ASPHD1: variants seen among roughly 807,000 people sequenced by gnomAD.
ASPHD1 encodes aspartate beta-hydroxylase domain containing 1.
A neutral mutation model predicts 28.3 loss-of-function variants in ASPHD1; 20 were observed. The ratio of observed to expected loss-of-function variants is 0.71; its 90% CI spans 0.50 to 1.03. The LOEUF (loss-of-function observed/expected upper bound fraction) is 1.03, where lower values mean the gene tolerates loss of function less well. Ranked by LOEUF, ASPHD1 falls within the 50% of genes least tolerant of loss-of-function variation. The pLI is 0.00. For synonymous variants in ASPHD1, 240 were observed against 221.2 expected (o/e 1.08, Z -0.75); for missense variants, 479 against 524.1 (o/e 0.91, Z 0.84).
Position 29,901,344 on chromosome 16 carries a change from G to A in ASPHD1, c.373G>A (p.Ala125Thr). ...TGGTGGGCCTGTGGGATGCTCGGAG[G>A]CCGGCGGGCCAAGCCCAGGGGGTCC... is the stretch of plus-strand genomic sequence containing the variant. ...VRGGPVGCSE[A>T]GGPSPGGPGD... Residue 125 changes from alanine to threonine, a missense_variant, in exon 1 of 3, where the codon GCC becomes ACC. Physicochemically the swap from Ala to Thr is moderately conservative, Grantham distance 58. Coordinates refer to ENST00000308748, the MANE Select transcript of ASPHD1 (RefSeq NM_181718.4). This position sits in a 1 kb window ranked among gnomAD's most constrained non-coding sequence, Gnocchi z 5.1. 1 of 1,602,444 alleles carries A rather than the reference G, an allele frequency of 6.2e-7. No homozygotes were observed. Among genetic ancestry groups the A allele is most frequent in the Non-Finnish European group, 8.5e-7 (1 of 1,175,276 alleles).
chr16:29,911,504 G>A (rs2068708778), intron 3 of ASPHD1: 3 of 567,644 alleles, frequency 5.3e-6, no homozygotes, highest in Non-Finnish European at 6.2e-6. Context: ...CTCCTCATCT[G>A]TAAAATGGAG....
At position 29,901,688 on chromosome 16, in the gene ASPHD1, G is replaced by A; in HGVS notation, c.717G>A (p.Arg239=). 2 of 1,584,558 alleles carry A rather than the reference G, an allele frequency of 1.3e-6. No homozygotes were observed. Among genetic ancestry groups the A allele is most frequent in the Non-Finnish European group, 1.7e-6 (2 of 1,169,530 alleles). Residue 239 remains arginine, a synonymous_variant, in exon 1 of 3, where the codon CGG becomes CGA. Transcript: ENST00000308748. This position sits in a 1 kb window ranked among gnomAD's most constrained non-coding sequence, Gnocchi z 5.1. ...WDFSGTTPPP[R]GWSPPLAPGC... is the part of the protein sequence containing the mutation. ...TCTCAGGGACTACCCCTCCGCCTCGGGGCTGGTCCCCACCTCTGGCCCCCG... is the reference window on the plus strand; with the variant it reads ...TCTCAGGGACTACCCCTCCGCCTCGAGGCTGGTCCCCACCTCTGGCCCCCG...
chr16:29,911,261 C>A (rs2068703457), intron 3 of ASPHD1: 6 of 1,004,568 alleles, frequency 6.0e-6, no homozygotes, highest in Admixed American at 4.5e-5. Flanking sequence ...CATTCCCAGT[C>A]CTCTGCTCCT....
In ASPHD1 at chr16:29,901,496, TGGGAGAGGGCCAGGGGTC is replaced by T; in HGVS notation, c.526_543del (p.Gly176_Val181del). The T allele has an allele frequency of 6.2e-7, 1 of 1,601,314 alleles. No homozygotes were observed. Among genetic ancestry groups the T allele is most frequent in the Non-Finnish European group, 8.5e-7 (1 of 1,177,120 alleles). On this transcript the variant is annotated inframe_deletion, in exon 1 of 3. Transcript: ENST00000308748. This position sits in a 1 kb window ranked among gnomAD's most constrained non-coding sequence, Gnocchi z 5.1. ...GGGCAGCTCAGGGTGGCCCAGGCCC[TGGGAGAGGGCCAGGGGTC>T]CTAGGTATTCAGCGCCCAGGCCTGC...
At chr16:29,907,223 G>A, downstream of ASPHD1, 1 of 672,134 alleles carries the variant, frequency 1.5e-6, no homozygotes, top group South Asian at 1.9e-5. Context: ...CAGGTCCTTG[G>A]GCCTGGCCTG....
downstream of ASPHD1, chr16:29,910,970 C>T (rs372998646): frequency 2.7e-5 from 44 of 1,613,038 alleles, no homozygotes; most frequent in African/African-American, 5.5e-4. Context: ...CTCTGGAGCC[C>T]CTCTGACCTT....
chr16:29,919,860 A>C (rs1011100513), downstream of ASPHD1: 1 of 152,228 alleles, frequency 6.6e-6, no homozygotes, highest in Admixed American at 6.5e-5. Flanking sequence ...ACTGCTTTAA[A>C]ATAATCAATG....
chr16:29,918,625 C>G (rs368140520), intron 3 of ASPHD1, among the ~76,000 whole-genome samples: 1 of 151,958 alleles, frequency 6.6e-6, no homozygotes, highest in East Asian at 1.9e-4. Context: ...CACCCACCAC[C>G]ACTCCCAGCT....
At chr16:29,914,004 A>G (rs1434306109) in intron 3 of ASPHD1, 1 of 151,980 alleles carries the variant, frequency 6.6e-6, no homozygotes, top group Admixed American at 6.6e-5. Flanking sequence ...TAATTTTTGT[A>G]TTTTTAGTAG....
At position 29,900,614 on chromosome 16, in the gene ASPHD1, C is replaced by T; in HGVS notation, c.-358C>T. ...GCGAGTAGGAGAGAGGGAGCGAGAG[C>T]CAGGCAGGACCGCAGGGTCGGGGCT... On this transcript the variant is annotated 5_prime_UTR_variant, in exon 1 of 3. Transcript: ENST00000308748. 3.2e-6 allele frequency: 1 copy of T among 317,256 alleles called. No individual in the cohort carries two copies. The highest frequency in any genetic ancestry group is 5.9e-6 in the Non-Finnish European group (1 of 170,546). The allele number at this position is 317,256 out of a possible 1,614,324, so 19.7% of individuals were successfully genotyped here. A position where few individuals can be genotyped will look rare whatever the true frequency, so the allele number is the denominator to read the frequency against.
intron 3 of ASPHD1, among the ~76,000 whole-genome samples, chr16:29,916,918 G>A (rs1470766206): frequency 6.6e-6 from 1 of 152,082 alleles, no homozygotes; most frequent in African/African-American, 2.4e-5. Context: ...GCTTGCTGTC[G>A]GCAGGGGCTT....
Position 29,901,443 on chromosome 16 carries a change from T to C in ASPHD1, c.472T>C (p.Ser158Pro). The C allele has an allele frequency of 1.2e-6, 2 of 1,604,986 alleles. No individual in the cohort carries two copies. Among genetic ancestry groups the C allele is most frequent in the South Asian group, 1.1e-5 (1 of 90,572 alleles). Reference protein sequence around the residue: ...RRLRAYARRYSWAGMGRVRRA... With the variant: ...RRLRAYARRYPWAGMGRVRRA... ...GCTTCGGGCCTACGCAAGGCGCTAC[T>C]CCTGGGCTGGGATGGGTAGAGTGAG... The change falls in exon 1 of 3, where the codon TCC (serine) becomes CCC (proline). Residue 158 changes from serine (S) to proline (P), a missense_variant. Physicochemically the swap from Ser to Pro is moderately conservative, Grantham distance 74 (BLOSUM62 -1). Coordinates refer to ENST00000308748, the MANE Select transcript of ASPHD1 (RefSeq NM_181718.4). The surrounding 1 kb of genome is among the most constrained non-coding windows in gnomAD (Gnocchi z 5.1).
At chr16:29,918,613 G>A (rs2068851058) in intron 3 of ASPHD1, among the ~76,000 whole-genome samples, 1 of 151,316 alleles carries the variant, frequency 6.6e-6, no homozygotes, top group African/African-American at 2.4e-5. Flanking sequence ...TGGGACTACA[G>A]GCACCCACCA....
intron 3 of ASPHD1, among the ~76,000 whole-genome samples, chr16:29,918,149 T>C (rs943692358): frequency 2.6e-5 from 4 of 152,248 alleles, no homozygotes; most frequent in Non-Finnish European, 5.9e-5. Context: ...AAAAGACTTA[T>C]AGGTATTCTG....
intron 3 of ASPHD1, chr16:29,913,252 T>A (rs1386230473): frequency 6.6e-6 from 1 of 151,856 alleles, no homozygotes; most frequent in African/African-American, 2.4e-5. Flanking sequence ...GGTCAGTTTT[T>A]AAAAATAAGA....
At position 29,901,599 on chromosome 16, in the gene ASPHD1, G is replaced by T. The variant is rs1326835666; in HGVS notation, c.628G>T (p.Val210Leu). The T allele has an allele frequency of 1.9e-6, 3 of 1,550,826 alleles. No homozygotes were observed. The highest frequency in any genetic ancestry group is 1.4e-5 in the African/African-American group (1 of 72,740). The change falls in exon 1 of 3, where the codon GTG (valine) becomes TTG (leucine). Residue 210 changes from valine to leucine, a missense_variant. Physicochemically the swap from Val to Leu is conservative, Grantham distance 32 (BLOSUM62 1). Coordinates refer to ENST00000308748, the MANE Select transcript of ASPHD1 (RefSeq NM_181718.4). The surrounding 1 kb of genome is among the most constrained non-coding windows in gnomAD (Gnocchi z 5.1). Reference protein sequence around the residue: ...FVPRDAQRHDVELLESSFPAI... With the variant: ...FVPRDAQRHDLELLESSFPAI... ...GCCGCGGGACGCCCAGCGGCACGAC[G>T]TGGAGCTCCTGGAGAGCAGCTTCCC...
chr16:29,911,932 T>C, intron 3 of ASPHD1: 1 of 1,608,532 alleles, frequency 6.2e-7, no homozygotes, highest in Non-Finnish European at 8.5e-7. Flanking sequence ...CCAGTGAGCC[T>C]CCACCCTGCA....
downstream of ASPHD1, among the ~76,000 whole-genome samples, chr16:29,907,849 C>T (rs962092554): frequency 3.3e-5 from 5 of 150,220 alleles, no homozygotes; most frequent in African/African-American, 4.9e-5. Flanking sequence ...GTTTAGGAAA[C>T]GATATAAGCT....
rs778935959 is a variant in ASPHD1, at chr16:29,901,788, C to G, written c.817C>G (p.Arg273Gly). 1 of 1,560,824 alleles carries G rather than the reference C, an allele frequency of 6.4e-7. No homozygotes were observed. Among genetic ancestry groups the G allele is most frequent in the Admixed American group, 1.9e-5 (1 of 51,342 alleles). The part of the protein sequence containing the change: ...SNCRRCPGAY[R>G]ALRGLRSFMS... ...CTGCCGCCGGTGCCCGGGGGCCTAT[C>G]GGGCACTGAGGGGGCTTCGAAGCTT... The change falls in exon 1 of 3, where the codon CGG becomes GGG. Residue 273 changes from arginine (R) to glycine (G), a missense_variant. Arg to Gly is a moderately radical substitution (Grantham distance 125). Coordinates refer to ENST00000308748, the MANE Select transcript of ASPHD1 (RefSeq NM_181718.4). This position sits in a 1 kb window ranked among gnomAD's most constrained non-coding sequence, Gnocchi z 5.1.
Sources: gnomAD v4.1 joint callset for allele counts (sites outside exome capture counted in the v4.1 genomes callset) on GRCh38, gnomAD v4.1.1 for gene constraint, Gnocchi (gnomAD v3.1) non-coding constraint, MANE v1.5 for transcripts, NCBI Gene and HGNC (gene_info 2026-07-23, HGNC 2026-07-21) for gene names.